IL1RAPL1: variants seen among roughly 807,000 people sequenced by gnomAD.
IL1RAPL1 encodes interleukin-1 receptor accessory protein-like 1.
In IL1RAPL1, 3 loss-of-function variants were observed where a neutral mutation model predicts 48.4. The ratio of observed to expected loss-of-function variants is 0.06; its 90% CI spans 0.03 to 0.16. The LOEUF (loss-of-function observed/expected upper bound fraction) is 0.16. Ranked by LOEUF, IL1RAPL1 falls within the 10% of genes least tolerant of loss-of-function variation. The probability of loss-of-function intolerance (pLI) is 1.00; values close to 1 mark genes in which losing one functional copy is unlikely to be tolerated. For synonymous variants in IL1RAPL1, 185 were observed against 187.7 expected (o/e 0.99, Z 0.12); for missense variants, 349 against 530.6 (o/e 0.66, Z 3.36).
chrX:29,079,494 A>G (rs1927754650), intron 2 of IL1RAPL1, among the ~76,000 whole-genome samples: 1 of 110,194 alleles, frequency 9.1e-6, no homozygotes, highest in African/African-American at 3.3e-5. Context: ...AGGTGTTATA[A>G]TAGAAAGAAA....
In IL1RAPL1 at chrX:29,614,963, C is replaced by CAA. The variant is rs377465356; in HGVS notation, c.704-53452_704-53451dup. Reference sequence around the variant, plus strand: ...TGAGCAACAGAGCGAGACTCCGTCTCAAAAAAAAAAAAAAAATCTTTACAA... The same window carrying CAA: ...TGAGCAACAGAGCGAGACTCCGTCTCAAAAAAAAAAAAAAAAAATCTTTACAA... On this transcript the variant is annotated intron_variant, in intron 5 of 10. Transcript: ENST00000378993. 2.1e-3 allele frequency among the ~76,000 whole-genome samples: 143 copies of CAA among 67,277 alleles called. 1 individual carries two copies. The highest frequency in any genetic ancestry group is 6.8e-3 in the African/African-American group (136 of 19,923). 58.4% of individuals were successfully genotyped at this position (67,277 alleles called of 115,157 possible).
chrX:28,771,399 C>T (rs973810498), intron 1 of IL1RAPL1, among the ~76,000 whole-genome samples: 11 of 112,180 alleles, frequency 9.8e-5, no homozygotes, highest in Non-Finnish European at 1.5e-4. Context: ...AGAATGAATG[C>T]GTGATAGTAG....
At chrX:29,485,364 C>G (rs1023260670) in intron 5 of IL1RAPL1, among the ~76,000 whole-genome samples, 2 of 111,915 alleles carry the variant, frequency 1.8e-5, no homozygotes, top group African/African-American at 6.5e-5. Context: ...AAAATAATAG[C>G]TAGCATTTGT....
intron 2 of IL1RAPL1, among the ~76,000 whole-genome samples, chrX:29,245,167 G>A (rs1199230916): frequency 9.0e-6 from 1 of 111,358 alleles, no homozygotes; most frequent in Non-Finnish European, 1.9e-5. Context: ...TCTTTATCTG[G>A]TCTATCATTG....
chrX:29,736,915 C>A (rs1209124469), intron 6 of IL1RAPL1, among the ~76,000 whole-genome samples: 1 of 111,465 alleles, frequency 9.0e-6, no homozygotes, highest in East Asian at 2.8e-4. Flanking sequence ...CTATAAGAAA[C>A]TGCATAAGAA....
chrX:29,385,932 A>C (rs920720569), intron 3 of IL1RAPL1, among the ~76,000 whole-genome samples: 1 of 112,358 alleles, frequency 8.9e-6, no homozygotes, highest in Non-Finnish European at 1.9e-5. Context: ...CAGTGACTGC[A>C]CCAATTTACA....
intron 1 of IL1RAPL1, among the ~76,000 whole-genome samples, chrX:28,722,269 A>C (rs1309038674): frequency 2.9e-4 from 32 of 110,823 alleles, no homozygotes; most frequent in East Asian, 2.0e-3. Context: ...CTTTTATTTC[A>C]TTGAGCAGTG....
chrX:29,180,413 G>A (rs150818827), intron 2 of IL1RAPL1, among the ~76,000 whole-genome samples: 1,282 of 109,681 alleles, frequency 0.012, 16 homozygotes, highest in African/African-American at 0.04. Flanking sequence ...TTTTGCTGTC[G>A]TTGCCCAGGC....
chrX:29,579,148 C>G (rs1186371467), intron 5 of IL1RAPL1, among the ~76,000 whole-genome samples: 1 of 112,050 alleles, frequency 8.9e-6, no homozygotes, highest in African/African-American at 3.2e-5. Flanking sequence ...TGATAACCAG[C>G]ACTGCATACT....
intron 2 of IL1RAPL1, among the ~76,000 whole-genome samples, chrX:29,100,851 A>T (rs894237140): frequency 8.9e-6 from 1 of 112,084 alleles, no homozygotes; most frequent in African/African-American, 3.2e-5. Context: ...TGCTTAACAC[A>T]TTGCCTTACA....
intron 2 of IL1RAPL1, among the ~76,000 whole-genome samples, chrX:28,896,569 C>A (rs762995807): frequency 9.6e-4 from 106 of 110,988 alleles, no homozygotes; most frequent in Middle Eastern, 4.6e-3. Context: ...AGTCTCGGAA[C>A]AAAACTGTAA....
intron 1 of IL1RAPL1, among the ~76,000 whole-genome samples, chrX:28,713,448 A>G (rs1935464854): frequency 2.7e-5 from 3 of 111,510 alleles, no homozygotes; most frequent in Admixed American, 9.6e-5. Flanking sequence ...AATAATTTTT[A>G]TGCATGCCCC....
At chrX:29,745,655 C>T (rs1202646447) in intron 6 of IL1RAPL1, among the ~76,000 whole-genome samples, 1 of 108,160 alleles carries the variant, frequency 9.2e-6, no homozygotes, top group Non-Finnish European at 1.9e-5. Context: ...CCATGTTAGC[C>T]AGGCTGGTCT....
chrX:29,376,111 G>C (rs1041919719), intron 3 of IL1RAPL1, among the ~76,000 whole-genome samples: 1 of 111,004 alleles, frequency 9.0e-6, no homozygotes, highest in African/African-American at 3.3e-5. Flanking sequence ...TAGTTTTAGG[G>C]TTTGTTTGTT....
chrX:28,999,674 TC>T (rs1260383852), intron 2 of IL1RAPL1, among the ~76,000 whole-genome samples: 1 of 112,079 alleles, frequency 8.9e-6, no homozygotes, highest in East Asian at 2.8e-4. Flanking sequence ...AAATGCATCT[TC>T]TTGTATAATC....
intron 5 of IL1RAPL1, among the ~76,000 whole-genome samples, chrX:29,406,281 C>T (rs1018201520): frequency 5.5e-5 from 6 of 109,303 alleles, no homozygotes; most frequent in Admixed American, 9.8e-5. Context: ...CCCAGCTACT[C>T]GGGAGGCTGA....
chrX:29,804,235 A>T (rs1930198481), intron 6 of IL1RAPL1, among the ~76,000 whole-genome samples: 1 of 111,395 alleles, frequency 9.0e-6, no homozygotes, highest in African/African-American at 3.3e-5. Context: ...GAGAGTTGGC[A>T]TTTTTTCTGG....
chrX:29,630,271 C>G (rs929644940), intron 5 of IL1RAPL1, among the ~76,000 whole-genome samples: 13 of 111,563 alleles, frequency 1.2e-4, no homozygotes, highest in African/African-American at 3.9e-4. Context: ...ACTCCCATCT[C>G]CTAAAACCAG....
chrX:29,214,441 G>A (rs1930828321), intron 2 of IL1RAPL1, among the ~76,000 whole-genome samples: 1 of 111,253 alleles, frequency 9.0e-6, no homozygotes, highest in Non-Finnish European at 1.9e-5. Context: ...AACAAAATTG[G>A]CAAATACTGC....
Sources: allele counts gnomAD v4.1 joint callset (sites outside exome capture counted in the v4.1 genomes callset), GRCh38; gene constraint gnomAD v4.1.1; transcripts MANE v1.5; gene names NCBI Gene and HGNC (gene_info 2026-07-23, HGNC 2026-07-21).